Variants in PARVB observed in about 807,000 individuals in gnomAD.
The protein encoded by PARVB is beta-parvin.
Under a neutral mutation model 47.0 loss-of-function variants are expected in PARVB, and 46 were observed. The ratio of observed to expected loss-of-function variants is 0.98; its 90% CI spans 0.77 to 1.25. PARVB has a LOEUF of 1.25. PARVB is among the 50% of genes most tolerant of loss of function. PARVB has a pLI of 0.00. For missense variants in PARVB, 473 were observed against 471.6 expected (o/e 1.00, Z -0.03); for synonymous variants, 196 against 196.3 (o/e 1.00, Z 0.01).
intron 2 of PARVB, among the ~76,000 whole-genome samples, chr22:44,096,343 A>G (rs2052307148): frequency 6.6e-6 from 1 of 152,228 alleles, no homozygotes; most frequent in South Asian, 2.1e-4. Flanking sequence ...GGCTACAGTG[A>G]GCCAAGATCA....
chr22:44,017,504 C>A (rs569337639), intron 2 of PARVB, among the ~76,000 whole-genome samples: 1 of 152,308 alleles, frequency 6.6e-6, no homozygotes, highest in East Asian at 1.9e-4. Context: ...CAATTAAGCA[C>A]CACTTGGTTG....
At chr22:44,061,583 C>T (rs867595865) in intron 1 of PARVB, among the ~76,000 whole-genome samples, 4 of 152,030 alleles carry the variant, frequency 2.6e-5, no homozygotes, top group African/African-American at 7.2e-5. Flanking sequence ...CAGAGCGCCC[C>T]GTGTTTGACC....
intron 1 of PARVB, among the ~76,000 whole-genome samples, chr22:44,028,351 T>C (rs1228190785): frequency 6.6e-6 from 1 of 152,162 alleles, no homozygotes; most frequent in Non-Finnish European, 1.5e-5. Context: ...TTTTTTACTG[T>C]ATCTGTGTTT....
intron 1 of PARVB, among the ~76,000 whole-genome samples, chr22:44,083,651 T>C (rs149290756): frequency 6.6e-6 from 1 of 152,180 alleles, no homozygotes; most frequent in East Asian, 1.9e-4. Flanking sequence ...GGCAGAGATA[T>C]GACCTACAGA....
chr22:44,028,549 C>T (rs919269783), intron 1 of PARVB, among the ~76,000 whole-genome samples: 2 of 152,188 alleles, frequency 1.3e-5, no homozygotes, highest in African/African-American at 4.8e-5. Context: ...ATCCATTCAC[C>T]TGCTGAAGGA....
chr22:44,051,272 G>C (rs2051203444), intron 1 of PARVB, among the ~76,000 whole-genome samples: 1 of 152,212 alleles, frequency 6.6e-6, no homozygotes, highest in African/African-American at 2.4e-5. Context: ...CTTACGAAGA[G>C]AGAAGGGGAG....
intron 2 of PARVB, among the ~76,000 whole-genome samples, chr22:44,097,798 A>G (rs1048736918): frequency 6.6e-6 from 1 of 152,212 alleles, no homozygotes; most frequent in Non-Finnish European, 1.5e-5. Flanking sequence ...GGACAGGTAA[A>G]GACCGGAGAT....
intron 1 of PARVB, among the ~76,000 whole-genome samples, chr22:44,064,789 G>A (rs768611904): frequency 2.6e-5 from 4 of 152,220 alleles, no homozygotes; most frequent in Non-Finnish European, 5.9e-5. Context: ...GGGAGGTGGA[G>A]GCCACAGCAA....
At chr22:44,085,226 C>T (rs2051996895) in intron 1 of PARVB, among the ~76,000 whole-genome samples, 1 of 152,210 alleles carries the variant, frequency 6.6e-6, no homozygotes, top group Non-Finnish European at 1.5e-5. Context: ...ACCCCAGCTC[C>T]AAGTAGCTGG....
intron 1 of PARVB, chr22:44,031,382 T>C (rs1234722819): frequency 6.6e-6 from 1 of 152,304 alleles, no homozygotes; most frequent in Non-Finnish European, 1.5e-5. Context: ...GTTCCGCCCA[T>C]GCGTTCTGTT....
chr22:44,087,746 G>A (rs1033969542), intron 1 of PARVB, among the ~76,000 whole-genome samples: 1 of 150,476 alleles, frequency 6.6e-6, no homozygotes. Context: ...TTCGCATTTG[G>A]CCTGAGGTAT....
intron 1 of PARVB, among the ~76,000 whole-genome samples, chr22:44,061,866 T>C (rs2051426889): frequency 1.3e-5 from 2 of 152,076 alleles, no homozygotes; most frequent in East Asian, 1.9e-4. Flanking sequence ...ATCCACCCGC[T>C]TTGGCCTCCC....
At chr22:44,073,462 C>G (rs958921978) in intron 1 of PARVB, among the ~76,000 whole-genome samples, 21 of 152,168 alleles carry the variant, frequency 1.4e-4, no homozygotes, top group Non-Finnish European at 2.5e-4. Context: ...CCATTACACT[C>G]TAGCCTGGGC....
intron 3 of PARVB, among the ~76,000 whole-genome samples, chr22:44,100,339 G>A (rs150155409): frequency 6.6e-6 from 1 of 152,288 alleles, no homozygotes; most frequent in Non-Finnish European, 1.5e-5. Context: ...CTCGGCTGGG[G>A]CTTTAACGAC....
chr22:44,063,015 C>G (rs374824738), intron 1 of PARVB, among the ~76,000 whole-genome samples: 13 of 152,184 alleles, frequency 8.5e-5, no homozygotes, highest in African/African-American at 3.1e-4. Context: ...GTGCTCAGCC[C>G]CCACCCAGGA....
intron 9 of PARVB, chr22:44,151,047 A>AGAAAAG (rs1569156299): frequency 1.3e-5 from 2 of 155,184 alleles, no homozygotes; most frequent in African/African-American, 2.4e-5. Context: ...AAAAAAAAAA[A>AGAAAAG]AAAAAAAAAA....
intron 1 of PARVB, among the ~76,000 whole-genome samples, chr22:44,061,460 A>ACAAAACAAAC (rs1397839217): frequency 4.3e-5 from 5 of 117,266 alleles, no homozygotes; most frequent in Non-Finnish European, 7.3e-5. Flanking sequence ...ACAAAACAAA[A>ACAAAACAAAC]CAAACCAAAA....
exon 1 of PARVB, chr22:43,999,269 CATTTT>C: frequency 1.6e-6 from 2 of 1,237,970 alleles, no homozygotes; most frequent in Non-Finnish European, 1.1e-6. Flanking sequence ...ACTAAGAACT[CATTTT>C]AATTTCTGAA....
At chr22:44,088,814 A>G (rs990485397) in intron 1 of PARVB, among the ~76,000 whole-genome samples, 11 of 152,172 alleles carry the variant, frequency 7.2e-5, no homozygotes, top group African/African-American at 2.2e-4. Context: ...GCTGGCATGG[A>G]AGATGCCCTG....
Sources: gnomAD v4.1 joint callset for allele counts (sites outside exome capture counted in the v4.1 genomes callset) on GRCh38, gnomAD v4.1.1 for gene constraint, MANE v1.5 for transcripts, NCBI Gene and HGNC (gene_info 2026-07-23, HGNC 2026-07-21) for gene names.